DMXL1: variants seen among roughly 807,000 people sequenced by gnomAD.
DMXL1 encodes the protein dmX-like protein 1.
A neutral mutation model predicts 319.2 loss-of-function variants in DMXL1; 99 were observed. The ratio of observed to expected loss-of-function variants is 0.31; its 90% CI spans 0.26 to 0.37. The LOEUF (loss-of-function observed/expected upper bound fraction) is 0.37, where lower values mean the gene tolerates loss of function less well. Among genes scored for constraint, DMXL1 ranks in the 10% least tolerant of loss-of-function variants. The pLI is 1.00. For missense variants in DMXL1, 3,745 were observed against 3,595.6 expected, an observed-to-expected ratio of 1.04 and a Z score of -1.06; for synonymous variants, 1,385 against 1,235.2, an observed-to-expected ratio of 1.12 and a Z score of -2.54.
chr5:119,073,526 G>C lies in DMXL1; in HGVS notation c.87+1870G>C, dbSNP rs538404724. Among the ~76,000 whole-genome samples, 14 of 152,228 alleles carry C rather than the reference G, an allele frequency of 9.2e-5. 1 individual carries two copies. The South Asian group carries it at 2.9e-3, about 32-fold the overall frequency. The stretch of plus-strand genomic sequence containing the variant: ...TTAAGGAGAGATCAGTTAATGTGCC[G>C]AGGAGGATTAGATAGATGGTCATCC... On this transcript the variant is annotated intron_variant, in intron 1 of 43. Coordinates refer to ENST00000539542, the MANE Select transcript of DMXL1 (RefSeq NM_001290321.3).
At chr5:119,228,031 C>T (rs1241514400) in intron 38 of DMXL1, among the ~76,000 whole-genome samples, 4 of 152,076 alleles carry the variant, frequency 2.6e-5, no homozygotes, top group African/African-American at 9.7e-5. Flanking sequence ...AAATAAAGAC[C>T]TAGCAATGTT....
At chr5:119,087,628 G>T (rs1753667902) in intron 1 of DMXL1, among the ~76,000 whole-genome samples, 1 of 151,998 alleles carries the variant, frequency 6.6e-6, no homozygotes, top group South Asian at 2.1e-4. Flanking sequence ...TGTATATTCT[G>T]CAGCGGTTAG....
At chr5:119,222,357 T>C (rs1166042797) in intron 37 of DMXL1, among the ~76,000 whole-genome samples, 3 of 151,948 alleles carry the variant, frequency 2.0e-5, no homozygotes, top group Admixed American at 6.6e-5. Flanking sequence ...AGGATTAAAA[T>C]GAACTTGAAA....
At chr5:119,071,745 G>A (rs1006071173) in intron 1 of DMXL1, 89 bp downstream of exon 1, 1 of 1,258,704 alleles carries the variant, frequency 7.9e-7, no homozygotes, top group African/African-American at 1.5e-5. Flanking sequence ...GGGCAGAGGC[G>A]CGAGGTCTTG....
At chr5:119,244,927 A>G (rs1028877375) in intron 43 of DMXL1, among the ~76,000 whole-genome samples, 1 of 152,150 alleles carries the variant, frequency 6.6e-6, no homozygotes, top group Non-Finnish European at 1.5e-5. Flanking sequence ...CTTTTATCCC[A>G]CATTGCTCGC....
At chr5:119,241,118 T>A (rs1051089086) in intron 42 of DMXL1, among the ~76,000 whole-genome samples, 1 of 152,170 alleles carries the variant, frequency 6.6e-6, no homozygotes, top group Non-Finnish European at 1.5e-5. Context: ...ACACATATTT[T>A]GTATATGTGT....
intron 1 of DMXL1, among the ~76,000 whole-genome samples, chr5:119,096,514 TGAG>T (rs993849118): frequency 1.3e-5 from 2 of 152,040 alleles, no homozygotes; most frequent in African/African-American, 2.4e-5. Context: ...TGTGCAAAAA[TGAG>T]GAGCAAGTAG....
intron 13 of DMXL1, among the ~76,000 whole-genome samples, chr5:119,138,318 A>G (rs1268407583): frequency 6.6e-6 from 1 of 152,188 alleles, no homozygotes; most frequent in Non-Finnish European, 1.5e-5. Context: ...GTGAATTGAG[A>G]TGTGGAAGAA....
intron 28 of DMXL1, among the ~76,000 whole-genome samples, chr5:119,182,932 C>G (rs1777034404): frequency 6.6e-6 from 1 of 151,998 alleles, no homozygotes; most frequent in Non-Finnish European, 1.5e-5. Context: ...GCTTTTTATT[C>G]TGTATTATAA....
chr5:119,133,484 T>C lies in DMXL1; in HGVS notation c.1570-10T>C, dbSNP rs1023656000. On this transcript the variant is annotated splice_polypyrimidine_tract_variant and intron_variant, in intron 11 of 43. Transcript: ENST00000539542. ...TTTATATGTTCTAACACTTGCTTTC[T>C]TGATTCTAGGTGTCCTTTGTTTCCA... 1.3e-6 allele frequency: 2 copies of C among 1,593,410 alleles called. No homozygotes were observed. The highest frequency in any genetic ancestry group is 1.7e-6 in the Non-Finnish European group (2 of 1,173,026).
At chr5:119,074,594 A>T in intron 1 of DMXL1, among the ~76,000 whole-genome samples, 1 of 152,378 alleles carries the variant, frequency 6.6e-6, no homozygotes, top group Non-Finnish European at 1.5e-5. Flanking sequence ...TGAAATTACC[A>T]ACGCAGATTA....
intron 25 of DMXL1, among the ~76,000 whole-genome samples, chr5:119,172,980 CTA>C (rs1286639666): frequency 2.0e-5 from 3 of 152,168 alleles, no homozygotes; most frequent in Non-Finnish European, 4.4e-5. Flanking sequence ...TTTAGCCAAA[CTA>C]TATTTCATAT....
At chr5:119,125,335 A>C (rs1163025346) in intron 9 of DMXL1, among the ~76,000 whole-genome samples, 1 of 152,228 alleles carries the variant, frequency 6.6e-6, no homozygotes, top group African/African-American at 2.4e-5. Flanking sequence ...GGAATGATCT[A>C]TAAATGCATT....
At chr5:119,196,230 C>CTATGCATA (rs1168704028) in intron 30 of DMXL1, 141 bp from the exon 31 acceptor site, 1 of 657,166 alleles carries the variant, frequency 1.5e-6, no homozygotes, top group Non-Finnish European at 2.7e-6. Context: ...ATGACTACCT[C>CTATGCATA]TATGCATATA....
intron 34 of DMXL1, among the ~76,000 whole-genome samples, chr5:119,212,934 C>T (rs1167726692): frequency 6.6e-6 from 1 of 152,090 alleles, no homozygotes; most frequent in Admixed American, 6.5e-5. Context: ...CATCCTTATC[C>T]CTGTTCTTCC....
intron 41 of DMXL1, 77 bp downstream of exon 41, chr5:119,239,157 G>C (rs914431787): frequency 1.4e-6 from 2 of 1,466,982 alleles, no homozygotes; most frequent in African/African-American, 2.8e-5. Context: ...CCTTGTGTTT[G>C]ACTAAAGTTT....
At position 119,150,176 on chromosome 5, in the gene DMXL1, A is replaced by G; in HGVS notation, c.4349A>G (p.Gln1450Arg). Residue 1450 changes from glutamine (Q) to arginine (R), a missense_variant, in exon 18 of 44, where the codon CAA becomes CGA. Transcript: ENST00000539542. ...KESYDELFQT[Q>R]LLMTDTHMLE... ...AGTTATGATGAGCTTTTTCAGACTC[A>G]ACTTCTAATGACTGATACTCATATG... is the stretch of plus-strand genomic sequence containing the variant. The G allele has an allele frequency of 6.2e-7, 1 of 1,613,816 alleles. No individual in the cohort carries two copies. The highest frequency in any genetic ancestry group is 8.5e-7 in the Non-Finnish European group (1 of 1,179,854).
chr5:119,147,367 T>A lies in DMXL1; in HGVS notation c.2808T>A (p.Asn936Lys), dbSNP rs748567566. The A allele has an allele frequency of 6.2e-7, 1 of 1,613,458 alleles. No homozygotes were observed. The highest frequency in any genetic ancestry group is 1.1e-5 in the South Asian group (1 of 91,056). ...FSQKYQACRA[N>K]LQSTSRLTLF... ...AAAAGTATCAGGCTTGCAGAGCAAA[T>A]CTCCAGAGTACCAGCAGGTTGACTC... The change falls in exon 17 of 44, where the codon AAT (asparagine) becomes AAA (lysine). Residue 936 changes from asparagine (N) to lysine (K), a missense_variant. Physicochemically the swap from Asn to Lys is moderately conservative, Grantham distance 94. Coordinates refer to ENST00000539542, the MANE Select transcript of DMXL1 (RefSeq NM_001290321.3).
rs1031257923 is a variant in DMXL1 at position 119,164,567 on chromosome 5, A to G, written c.4763A>G (p.Asn1588Ser). ...TCAGTAGCAGAAGAAGAACTGCTGAACATGTTGCCAGCCATGCAGAAAGAT... is the reference window on the plus strand; with the variant it reads ...TCAGTAGCAGAAGAAGAACTGCTGAGCATGTTGCCAGCCATGCAGAAAGAT... ...FHSVAEEELLNMLPAMQKDDP... is the reference protein window; with the variant it reads ...FHSVAEEELLSMLPAMQKDDP... The change falls in exon 20 of 44, where the codon AAC (asparagine) becomes AGC (serine). Residue 1588 changes from asparagine (N) to serine (S), a missense_variant. Physicochemically the swap from Asn to Ser is conservative, Grantham distance 46. Transcript: ENST00000539542. 9 of 1,614,034 alleles carry G rather than the reference A, an allele frequency of 5.6e-6. No homozygotes were observed. The African/African-American group carries it at 1.2e-4, about 22-fold the overall frequency.
Sources: allele counts gnomAD v4.1 joint callset (sites outside exome capture counted in the v4.1 genomes callset), GRCh38; gene constraint gnomAD v4.1.1; transcripts MANE v1.5; gene names NCBI Gene and HGNC (gene_info 2026-07-23, HGNC 2026-07-21).